Variants in ACOT12 observed in about 807,000 individuals in gnomAD.
ACOT12 encodes acyl-CoA thioesterase 12.
Under a neutral mutation model 67.7 loss-of-function variants are expected in ACOT12, and 51 were observed. That is an observed-to-expected ratio of 0.75 (90% CI 0.60 to 0.95). The LOEUF (loss-of-function observed/expected upper bound fraction) is 0.95, where lower values mean the gene tolerates loss of function less well. Among genes scored for constraint, ACOT12 ranks in the 40% least tolerant of loss-of-function variants. The pLI is 0.00. For synonymous variants in ACOT12, 251 were observed against 244.6 expected (o/e 1.03, Z -0.24); for missense variants, 734 against 708.1 (o/e 1.04, Z -0.41).
intron 1 of ACOT12, among the ~76,000 whole-genome samples, chr5:81,391,886 C>T (rs1760873453): frequency 6.6e-6 from 1 of 152,126 alleles, no homozygotes; most frequent in African/African-American, 2.4e-5. Flanking sequence ...AAGGATGACT[C>T]CTAGACTTTT....
intron 1 of ACOT12, among the ~76,000 whole-genome samples, chr5:81,386,468 C>T (rs1472286531): frequency 6.6e-6 from 1 of 152,020 alleles, no homozygotes; most frequent in Non-Finnish European, 1.5e-5. Context: ...TTAGTTATTT[C>T]CATGTTCTAT....
intron 3 of ACOT12, among the ~76,000 whole-genome samples, chr5:81,364,813 G>C (rs1444126842): frequency 6.6e-6 from 1 of 152,004 alleles, no homozygotes; most frequent in Non-Finnish European, 1.5e-5. Context: ...CAAGATATTG[G>C]TGTCTGCCTT....
chr5:81,311,163 C>A, the ACOT12 span: 2 of 1,601,694 alleles, frequency 1.2e-6, no homozygotes, highest in South Asian at 1.1e-5. Flanking sequence ...ATGTTAAAAA[C>A]CCCTTGCAAG....
the ACOT12 span, chr5:81,312,495 C>A: frequency 7.2e-7 from 1 of 1,391,598 alleles, no homozygotes; most frequent in Non-Finnish European, 1.0e-6. Context: ...TGAGTGGATG[C>A]ATTTGATTAC....
chr5:81,340,227 G>T (rs1759149414), intron 11 of ACOT12, among the ~76,000 whole-genome samples: 1 of 151,958 alleles, frequency 6.6e-6, no homozygotes. Context: ...AGTAGAGATG[G>T]GGTTTCACCA....
chr5:81,374,671 C>T (rs948773324), intron 2 of ACOT12, among the ~76,000 whole-genome samples: 1 of 152,078 alleles, frequency 6.6e-6, no homozygotes, highest in African/African-American at 2.4e-5. Context: ...CTGAAAAACA[C>T]AGCACGAGAA....
At chr5:81,386,789 A>T (rs1760734444) in intron 1 of ACOT12, among the ~76,000 whole-genome samples, 2 of 152,156 alleles carry the variant, frequency 1.3e-5, no homozygotes, top group African/African-American at 4.8e-5. Context: ...AGGTAAGAAG[A>T]CATGAGAGAT....
chr5:81,349,806 C>A (rs1373625447), intron 5 of ACOT12, among the ~76,000 whole-genome samples: 1 of 152,148 alleles, frequency 6.6e-6, no homozygotes, highest in Non-Finnish European at 1.5e-5. Flanking sequence ...ATTTCCTTAA[C>A]ATTCATAGTC....
intron 11 of ACOT12, among the ~76,000 whole-genome samples, chr5:81,342,434 A>T (rs1759225601): frequency 6.6e-6 from 1 of 152,128 alleles, no homozygotes; most frequent in Non-Finnish European, 1.5e-5. Context: ...AGAAGGAGGG[A>T]GAGACGGGAT....
intron 11 of ACOT12, among the ~76,000 whole-genome samples, chr5:81,337,104 C>T (rs2153845148): frequency 6.6e-6 from 1 of 152,240 alleles, no homozygotes; most frequent in East Asian, 1.9e-4. Context: ...CCTAACTTTG[C>T]CCCCAGCACA....
At chr5:81,311,272 G>C in the ACOT12 span, 1 of 1,614,046 alleles carries the variant, frequency 6.2e-7, no homozygotes, top group African/African-American at 1.3e-5. Context: ...CTGAAAGTCA[G>C]AATTCAGGTG....
intron 11 of ACOT12, among the ~76,000 whole-genome samples, chr5:81,339,896 AT>A (rs35399330): frequency 0.32 from 48,645 of 151,482 alleles, 8,320 homozygotes; most frequent in Non-Finnish European, 0.38. Context: ...AAAAAACATG[AT>A]TTTTTTTTAT....
chr5:81,370,801 A>T (rs1264150403), intron 3 of ACOT12, among the ~76,000 whole-genome samples: 1 of 152,184 alleles, frequency 6.6e-6, no homozygotes, highest in African/African-American at 2.4e-5. Context: ...CTAACAAATG[A>T]ATACAAACTC....
the ACOT12 span, chr5:81,308,960 G>T: frequency 1.9e-6 from 3 of 1,612,944 alleles, no homozygotes; most frequent in Non-Finnish European, 2.5e-6. Context: ...ATTTCCTTTT[G>T]CAAAATGTTT....
At chr5:81,392,198 T>G (rs1028653565) in intron 1 of ACOT12, among the ~76,000 whole-genome samples, 1 of 152,178 alleles carries the variant, frequency 6.6e-6, no homozygotes, top group Non-Finnish European at 1.5e-5. Context: ...GGGATTGCAG[T>G]AATGTGGCTA....
intron 1 of ACOT12, among the ~76,000 whole-genome samples, chr5:81,393,030 G>A (rs1354997628): frequency 6.6e-5 from 10 of 152,238 alleles, no homozygotes; most frequent in South Asian, 2.1e-4. Flanking sequence ...TAGGACTTCA[G>A]TGTATAAATT....
At chr5:81,345,318 C>T (rs1759347151) in intron 7 of ACOT12, among the ~76,000 whole-genome samples, 1 of 152,144 alleles carries the variant, frequency 6.6e-6, no homozygotes, top group Non-Finnish European at 1.5e-5. Flanking sequence ...TATATACATT[C>T]AAGAACATAT....
At chr5:81,370,363 T>C (rs556379380) in intron 3 of ACOT12, among the ~76,000 whole-genome samples, 12 of 152,224 alleles carry the variant, frequency 7.9e-5, no homozygotes, top group Non-Finnish European at 1.6e-4. Flanking sequence ...ACAGTTGTTA[T>C]AACTGAACTG....
At chr5:81,354,750 C>CT (rs371500592) in intron 5 of ACOT12, among the ~76,000 whole-genome samples, 88 of 151,634 alleles carry the variant, frequency 5.8e-4, no homozygotes, top group African/African-American at 2.1e-3. Flanking sequence ...GTGGCCTAGG[C>CT]TGGACTGCAG....
Sources: gnomAD v4.1 joint callset for allele counts (sites outside exome capture counted in the v4.1 genomes callset) on GRCh38, gnomAD v4.1.1 for gene constraint, MANE v1.5 for transcripts, NCBI Gene and HGNC (gene_info 2026-07-23, HGNC 2026-07-21) for gene names.